KDM2A: variants seen among roughly 807,000 people sequenced by gnomAD.
KDM2A encodes lysine-specific demethylase 2A.
KDM2A carries 3 observed loss-of-function variants against 137.3 expected under a neutral mutation model. That is an observed-to-expected ratio of 0.02 (90% CI 0.01 to 0.06). The LOEUF is 0.06. KDM2A is among the 10% of genes least tolerant of loss of function. The pLI, the probability that KDM2A is intolerant of heterozygous loss-of-function variation, is 1.00. For synonymous variants in KDM2A, 512 were observed against 541.5 expected (o/e 0.95, Z 0.76); for missense variants, 738 against 1,510.6 (o/e 0.49, Z 8.48).
chr11:67,253,354 C>T, intron 18 of KDM2A, 99 bp from the exon 19 acceptor site: 1 of 1,035,870 alleles, frequency 9.7e-7, no homozygotes, highest in Non-Finnish European at 1.5e-6. Flanking sequence ...TCCTTCTCTC[C>T]TATTAGACTG....
At chr11:67,200,599 T>G (rs1483992097) in intron 5 of KDM2A, among the ~76,000 whole-genome samples, 1 of 152,092 alleles carries the variant, frequency 6.6e-6, no homozygotes, top group Non-Finnish European at 1.5e-5. Flanking sequence ...GCAGGCTCAG[T>G]GTCCCTGGGC....
chr11:67,157,551 C>T (rs2136313443), intron 2 of KDM2A, among the ~76,000 whole-genome samples: 1 of 151,800 alleles, frequency 6.6e-6, no homozygotes, highest in Middle Eastern at 3.4e-3. Context: ...TCAAGACCAG[C>T]CTGGCCAACA....
chr11:67,170,984 T>A (rs747074788), intron 2 of KDM2A, among the ~76,000 whole-genome samples: 12 of 152,118 alleles, frequency 7.9e-5, no homozygotes, highest in African/African-American at 1.9e-4. Context: ...GCAAGTTACT[T>A]CTTTCATTTT....
At chr11:67,240,230 A>G in intron 12 of KDM2A, 2 of 1,535,578 alleles carry the variant, frequency 1.3e-6, no homozygotes, top group Non-Finnish European at 1.7e-6. Context: ...AGATTCCAGA[A>G]TATTCAAGTA....
Position 67,254,208 on chromosome 11 carries a change from G to A in KDM2A, c.3097G>A (p.Asp1033Asn). The A allele has an allele frequency of 6.2e-7, 1 of 1,613,674 alleles. No homozygotes were observed. Among genetic ancestry groups the A allele is most frequent in the Non-Finnish European group, 8.5e-7 (1 of 1,179,710 alleles). Residue 1033 changes from aspartate (D) to asparagine (N), a missense_variant, in exon 20 of 21, where the codon GAC (aspartate) becomes AAC (asparagine). Asp to Asn is a conservative substitution (Grantham distance 23). This residue lies in a region of KDM2A where 166 missense variants were observed against 324.0 expected (regional missense o/e 0.51). Transcript: ENST00000529006. The surrounding 1 kb of genome is among the most constrained non-coding windows in gnomAD (Gnocchi z 4.7). ...CTCTTCTCTTGCCTGTACAGGTCAG[G>A]ACAATCGCAGCAAGCTCCGGAACAT... The part of the protein sequence containing the change: ...LTPPADKPGQ[D>N]NRSKLRNMTD...
intron 10 of KDM2A, among the ~76,000 whole-genome samples, chr11:67,221,793 G>A (rs1421163664): frequency 6.6e-6 from 1 of 152,080 alleles, no homozygotes; most frequent in Non-Finnish European, 1.5e-5. Flanking sequence ...AACAAAGCCG[G>A]GTGTGGTGGT....
chr11:67,238,016 C>T (rs1440075737), intron 12 of KDM2A, among the ~76,000 whole-genome samples: 1 of 151,956 alleles, frequency 6.6e-6, no homozygotes, highest in South Asian at 2.1e-4. Flanking sequence ...TGTAATAATT[C>T]ATACATTCTT....
intron 16 of KDM2A, among the ~76,000 whole-genome samples, chr11:67,249,470 A>G (rs987699555): frequency 6.6e-6 from 1 of 152,244 alleles, no homozygotes; most frequent in Non-Finnish European, 1.5e-5. Context: ...CTAGTGGAAC[A>G]TGTTTACTGG....
intron 2 of KDM2A, among the ~76,000 whole-genome samples, chr11:67,142,690 G>C (rs1035366988): frequency 6.6e-6 from 1 of 151,608 alleles, no homozygotes; most frequent in Non-Finnish European, 1.5e-5. Flanking sequence ...GGGGACAAGC[G>C]TGAGACTCCA....
At chr11:67,182,677 C>T (rs1857117247) in intron 5 of KDM2A, among the ~76,000 whole-genome samples, 1 of 152,034 alleles carries the variant, frequency 6.6e-6, no homozygotes. Context: ...GGATTGCAGG[C>T]ATGTGCCACC....
Position 67,254,091 on chromosome 11 carries a change from A to T in KDM2A, c.3092-112A>T. On this transcript the variant is annotated intron_variant, in intron 19 of 20. Coordinates refer to ENST00000529006, the MANE Select transcript of KDM2A (RefSeq NM_012308.3). The surrounding 1 kb of genome is among the most constrained non-coding windows in gnomAD (Gnocchi z 4.7). Reference sequence around the variant, plus strand: ...GGCATGGCTGGGTGTGGGCAGTTCTACTTAACCCCTTCAAGGGGGCCTGGC... The same window carrying T: ...GGCATGGCTGGGTGTGGGCAGTTCTTCTTAACCCCTTCAAGGGGGCCTGGC... 1 of 886,876 alleles carries T rather than the reference A, an allele frequency of 1.1e-6. No homozygotes were observed. Among genetic ancestry groups the T allele is most frequent in the Non-Finnish European group, 1.7e-6 (1 of 580,692 alleles). 54.9% of individuals were successfully genotyped at this position (886,876 alleles called of 1,614,324 possible). A position where few individuals can be genotyped will look rare whatever the true frequency, so the allele number is the denominator to read the frequency against.
At chr11:67,150,253 G>T (rs1856355766) in intron 2 of KDM2A, among the ~76,000 whole-genome samples, 1 of 152,104 alleles carries the variant, frequency 6.6e-6, no homozygotes. Flanking sequence ...CTGCCTCTCA[G>T]TTTACCTCAA....
intron 5 of KDM2A, among the ~76,000 whole-genome samples, chr11:67,206,121 T>C (rs1857797960): frequency 6.6e-6 from 1 of 152,196 alleles, no homozygotes; most frequent in Admixed American, 6.5e-5. Context: ...CTAAGTAGTA[T>C]AGGAGCTGAG....
intron 6 of KDM2A, among the ~76,000 whole-genome samples, chr11:67,208,032 A>G (rs751906788): frequency 2.0e-5 from 3 of 152,144 alleles, no homozygotes; most frequent in Non-Finnish European, 4.4e-5. Flanking sequence ...CCCTGTCTCA[A>G]AAATTTAAAA....
intron 17 of KDM2A, among the ~76,000 whole-genome samples, chr11:67,251,342 TTC>T (rs1302041632): frequency 1.3e-5 from 2 of 152,216 alleles, no homozygotes; most frequent in African/African-American, 4.8e-5. Context: ...GAATTCCCTC[TTC>T]CAGCAAGCAG....
intron 5 of KDM2A, among the ~76,000 whole-genome samples, chr11:67,201,772 C>CAAAAAAAAAAAA (rs71056184): frequency 9.0e-4 from 34 of 37,818 alleles, no homozygotes; most frequent in East Asian, 1.2e-3. Context: ...GACTCCATCT[C>CAAAAAAAAAAAA]AAAAAAAAAA....
intron 6 of KDM2A, among the ~76,000 whole-genome samples, chr11:67,214,948 C>G (rs1858114619): frequency 6.6e-6 from 1 of 151,990 alleles, no homozygotes. Flanking sequence ...CTTAACTGTT[C>G]TAACAATGGT....
chr11:67,209,194 A>C (rs931566422), intron 6 of KDM2A, among the ~76,000 whole-genome samples: 1 of 151,878 alleles, frequency 6.6e-6, no homozygotes, highest in Non-Finnish European at 1.5e-5. Context: ...CGGTCTCCCA[A>C]AGTGCTGGGA....
chr11:67,239,995 C>T, intron 12 of KDM2A: 2 of 1,232,394 alleles, frequency 1.6e-6, no homozygotes, highest in Non-Finnish European at 2.1e-6. Context: ...AACGGCTGGG[C>T]CCTCTGCCTG....
Sources: gnomAD v4.1 joint callset for allele counts (sites outside exome capture counted in the v4.1 genomes callset) on GRCh38, gnomAD v4.1.1 for gene constraint, gnomAD v4.1.1 regional missense constraint, Gnocchi (gnomAD v3.1) non-coding constraint, MANE v1.5 for transcripts, NCBI Gene and HGNC (gene_info 2026-07-23, HGNC 2026-07-21) for gene names.